Variants in PLXNA4 observed in about 807,000 individuals in gnomAD.
The protein encoded by PLXNA4 is plexin A4.
In PLXNA4, 44 loss-of-function variants were observed where a neutral mutation model predicts 191.8. The ratio of observed to expected loss-of-function variants is 0.23; its 90% CI spans 0.18 to 0.29. PLXNA4 has a LOEUF of 0.29. PLXNA4 is among the 10% of genes least tolerant of loss of function. The pLI is 1.00. For synonymous variants in PLXNA4, 1,082 were observed against 1,009.5 expected (o/e 1.07, Z -1.36); for missense variants, 1,800 against 2,488.8 (o/e 0.72, Z 5.89).
chr7:132,387,420 T>C (rs1805197277), intron 3 of PLXNA4, among the ~76,000 whole-genome samples: 1 of 152,222 alleles, frequency 6.6e-6, no homozygotes, highest in Non-Finnish European at 1.5e-5. Context: ...TGAAGTGCCT[T>C]AACTAAGTTG....
At chr7:132,427,198 C>T (rs1795078455) in intron 3 of PLXNA4, among the ~76,000 whole-genome samples, 1 of 152,202 alleles carries the variant, frequency 6.6e-6, no homozygotes, top group Admixed American at 6.5e-5. Flanking sequence ...GACCTTGGGG[C>T]CTCTTCCTGC....
Position 132,568,773 on chromosome 7 carries a change from C to A in PLXNA4, c.-87+7649G>T, listed in dbSNP as rs866753267. Reference sequence around the variant, plus strand: ...AGGCAGATGCCCTACCGCAGACCCACGTCTCTAAGTCAGTGAGTTGCTCAC... The same window carrying A: ...AGGCAGATGCCCTACCGCAGACCCAAGTCTCTAAGTCAGTGAGTTGCTCAC... On this transcript the variant is annotated intron_variant, in intron 1 of 31. Transcript: ENST00000321063. Among the ~76,000 whole-genome samples the A allele has an allele frequency of 2.0e-5, 3 of 152,358 alleles. No homozygotes were observed. In the South Asian group the frequency reaches 6.2e-4, roughly 32 times the overall value.
intron 3 of PLXNA4, among the ~76,000 whole-genome samples, chr7:132,316,391 G>A (rs185793977): frequency 8.5e-5 from 13 of 152,260 alleles, no homozygotes; most frequent in African/African-American, 2.2e-4. Context: ...TTAAACGCAT[G>A]GAAAATGGTG....
intron 3 of PLXNA4, among the ~76,000 whole-genome samples, chr7:132,401,918 G>C (rs547452575): frequency 9.2e-5 from 14 of 152,270 alleles, no homozygotes; most frequent in Middle Eastern, 6.8e-3. Context: ...CAAAAGAGGG[G>C]GAGGCTGGAG....
chr7:132,303,541 C>T (rs1454500468), intron 3 of PLXNA4, among the ~76,000 whole-genome samples: 1 of 152,078 alleles, frequency 6.6e-6, no homozygotes, highest in Non-Finnish European at 1.5e-5. Context: ...TGCACTCCAG[C>T]CTGGGCGACA....
At chr7:132,272,556 C>A (rs1377485079) in intron 4 of PLXNA4, among the ~76,000 whole-genome samples, 1 of 152,234 alleles carries the variant, frequency 6.6e-6, no homozygotes, top group East Asian at 1.9e-4. Context: ...TCATTCCTGC[C>A]TAAATCAAGT....
At chr7:132,328,710 T>C (rs1593222) in intron 3 of PLXNA4, among the ~76,000 whole-genome samples, 77,014 of 152,056 alleles carry the variant, frequency 0.51, 21,740 homozygotes, top group African/African-American at 0.76. Flanking sequence ...AGCTGCCCTG[T>C]AGGATTTCCA....
At chr7:132,437,423 C>T (rs181386321) in intron 3 of PLXNA4, among the ~76,000 whole-genome samples, 13 of 152,226 alleles carry the variant, frequency 8.5e-5, no homozygotes, top group African/African-American at 3.1e-4. Flanking sequence ...CATGCAAGCA[C>T]GTGCACAGAC....
In PLXNA4 at chr7:132,393,001, G is replaced by T. The variant is rs115744947; in HGVS notation, c.1372-94779C>A. On this transcript the variant is annotated intron_variant, in intron 3 of 31. Transcript: ENST00000321063. Reference sequence around the variant, plus strand: ...GCTTCACAGCTTCCTCTGCAGCCACGCCTTACCCCATCCCACCCTACCCCA... The same window carrying T: ...GCTTCACAGCTTCCTCTGCAGCCACTCCTTACCCCATCCCACCCTACCCCA... 2.4e-3 allele frequency among the ~76,000 whole-genome samples: 358 copies of T among 152,192 alleles called. 1 individual carries two copies. The highest frequency in any genetic ancestry group is 8.2e-3 in the African/African-American group (342 of 41,518).
intron 3 of PLXNA4, among the ~76,000 whole-genome samples, chr7:132,400,149 A>G (rs1045712100): frequency 6.6e-6 from 1 of 152,124 alleles, no homozygotes; most frequent in Non-Finnish European, 1.5e-5. Context: ...CTGTCTGTGT[A>G]TTTGTTACCT....
intron 2 of PLXNA4, among the ~76,000 whole-genome samples, chr7:132,583,149 T>G (rs1200789321): frequency 6.6e-6 from 1 of 152,092 alleles, no homozygotes; most frequent in South Asian, 2.1e-4. Flanking sequence ...TTGTGCCGAG[T>G]CCTGTTCACT....
intron 2 of PLXNA4, among the ~76,000 whole-genome samples, chr7:132,582,901 C>T (rs1802432023): frequency 6.6e-6 from 1 of 152,148 alleles, no homozygotes; most frequent in Non-Finnish European, 1.5e-5. Flanking sequence ...GCATGATAGT[C>T]TCATACTGGG....
intron 25 of PLXNA4, among the ~76,000 whole-genome samples, chr7:132,151,075 C>T (rs1366201698): frequency 2.0e-5 from 3 of 152,176 alleles, no homozygotes; most frequent in Non-Finnish European, 4.4e-5. Flanking sequence ...TCAAGGAGTA[C>T]ACTTAGCTTG....
intron 3 of PLXNA4, among the ~76,000 whole-genome samples, chr7:132,314,416 C>A (rs944909706): frequency 6.6e-6 from 1 of 152,196 alleles, no homozygotes; most frequent in African/African-American, 2.4e-5. Context: ...TCCCCACAGA[C>A]CTTCCCCTTG....
At chr7:132,630,512 G>GT (rs993510091) in intron 2 of PLXNA4, among the ~76,000 whole-genome samples, 5 of 149,150 alleles carry the variant, frequency 3.4e-5, no homozygotes, top group African/African-American at 5.1e-5. Context: ...GGGTTTTTTT[G>GT]TTTTTTTGTT....
intron 2 of PLXNA4, among the ~76,000 whole-genome samples, chr7:132,640,015 C>T (rs755253707): frequency 1.1e-4 from 16 of 152,216 alleles, no homozygotes; most frequent in Non-Finnish European, 2.1e-4. Flanking sequence ...AATATTCTAG[C>T]GTTGCGCTAT....
chr7:132,578,588 C>T (rs761077799), upstream of PLXNA4, among the ~76,000 whole-genome samples: 14 of 152,186 alleles, frequency 9.2e-5, no homozygotes, highest in Non-Finnish European at 1.8e-4. Flanking sequence ...TGTGAGATGA[C>T]AGCTTAAACA....
intron 3 of PLXNA4, among the ~76,000 whole-genome samples, chr7:132,333,171 G>A (rs2116705120): frequency 6.6e-6 from 1 of 152,310 alleles, no homozygotes; most frequent in East Asian, 1.9e-4. Context: ...CTGACTCCCT[G>A]ACTCCTCCCC....
At chr7:132,612,180 G>T (rs976962268) in intron 2 of PLXNA4, among the ~76,000 whole-genome samples, 1 of 152,148 alleles carries the variant, frequency 6.6e-6, no homozygotes, top group Non-Finnish European at 1.5e-5. Context: ...CATCTCAGTG[G>T]CCAGGACTTA....
Sources: allele counts gnomAD v4.1 joint callset (sites outside exome capture counted in the v4.1 genomes callset), GRCh38; gene constraint gnomAD v4.1.1; transcripts MANE v1.5; gene names NCBI Gene and HGNC (gene_info 2026-07-23, HGNC 2026-07-21).